The following ATP2A2 variants were observed in gnomAD, a reference collection of about 807,000 sequenced individuals.
ATP2A2 encodes ATPase sarcoplasmic/endoplasmic reticulum Ca2+ transporting 2.
Under a neutral mutation model 109.3 loss-of-function variants are expected in ATP2A2, and 14 were observed. The observed-to-expected ratio is 0.13, with a 90% confidence interval of 0.08 to 0.20. The LOEUF (loss-of-function observed/expected upper bound fraction) is 0.20. Among genes scored for constraint, ATP2A2 ranks in the 10% least tolerant of loss-of-function variants. The pLI is 1.00. For missense variants in ATP2A2, 657 were observed against 1,321.6 expected (o/e 0.50, Z 7.80); for synonymous variants, 506 against 490.9 (o/e 1.03, Z -0.41).
In ATP2A2 at chr12:110,348,021, A is replaced by G. The variant is rs906321625; in HGVS notation, c.*1551A>G. ...AGACCTCCACAGGCTGCCTAGGACA[A>G]GATGACCAGGAGGGCCCAAGCCAGA... On this transcript the variant is annotated 3_prime_UTR_variant, in exon 20 of 20. Transcript: ENST00000539276. The G allele has an allele frequency of 1.3e-5, 13 of 987,262 alleles. No homozygotes were observed. The highest frequency in any genetic ancestry group is 1.4e-5 in the Non-Finnish European group (12 of 831,262). 61.2% of individuals were successfully genotyped at this position (987,262 alleles called of 1,614,324 possible).
chr12:110,289,287 CTAAT>C (rs759966877), intron 3 of ATP2A2, among the ~76,000 whole-genome samples: 20 of 152,214 alleles, frequency 1.3e-4, no homozygotes, highest in African/African-American at 1.7e-4. Context: ...CCCCCAAGAG[CTAAT>C]TAAAGTTTCT....
In ATP2A2 at chr12:110,327,639, G is replaced by A; in HGVS notation, c.717G>A (p.Met239Ile). Reference protein sequence around the residue: ...NTEIGKIRDEMVATEQERTPL... With the variant: ...NTEIGKIRDEIVATEQERTPL... ...AAATTGGCAAGATCCGGGATGAAAT[G>A]GTGGCAACAGAACAGGAGAGAACAC... Residue 239 changes from methionine (M) to isoleucine (I), a missense_variant, in exon 8 of 20, where the codon ATG (methionine) becomes ATA (isoleucine). By Grantham distance (10) the Met-to-Ile change is conservative. Coordinates refer to ENST00000539276, the MANE Select transcript of ATP2A2 (RefSeq NM_170665.4). This position sits in a 1 kb window ranked among gnomAD's most constrained non-coding sequence, Gnocchi z 4.4. The A allele has an allele frequency of 6.2e-7, 1 of 1,614,146 alleles. No homozygotes were observed. The highest frequency in any genetic ancestry group is 2.2e-5 in the East Asian group (1 of 44,880).
intron 3 of ATP2A2, among the ~76,000 whole-genome samples, chr12:110,286,701 A>T (rs561123089): frequency 1.8e-3 from 237 of 132,506 alleles, no homozygotes; most frequent in East Asian, 0.01. Flanking sequence ...CTCTTTATTT[A>T]AAAAAAAAAA....
At chr12:110,310,267 A>G (rs1875877657) in intron 5 of ATP2A2, among the ~76,000 whole-genome samples, 1 of 151,678 alleles carries the variant, frequency 6.6e-6, no homozygotes, top group South Asian at 2.1e-4. Flanking sequence ...GATTACAGGC[A>G]TGAACCACCG....
intron 5 of ATP2A2, among the ~76,000 whole-genome samples, chr12:110,301,029 G>C (rs1874573757): frequency 6.6e-6 from 1 of 151,908 alleles, no homozygotes; most frequent in Non-Finnish European, 1.5e-5. Context: ...GCTTCTTCTT[G>C]TTTAATTTTT....
At chr12:110,333,028 A>G (rs1878494198) in intron 9 of ATP2A2, among the ~76,000 whole-genome samples, 153 bp from the exon 10 acceptor site, 1 of 150,578 alleles carries the variant, frequency 6.6e-6, no homozygotes, top group East Asian at 1.9e-4. Context: ...TTTGTCTAAT[A>G]TTGGCTCTGG....
intron 5 of ATP2A2, among the ~76,000 whole-genome samples, chr12:110,298,290 C>T (rs533343300): frequency 6.6e-6 from 1 of 152,266 alleles, no homozygotes; most frequent in South Asian, 2.1e-4. Context: ...ACATATATGC[C>T]AGTAAGCCAA....
In ATP2A2 at chr12:110,281,846, C is replaced by T. The variant is rs1014255997; in HGVS notation, c.57C>T (p.Asn19=). ...AGGTGCTGGGCCACTTCGGCGTCAA[C>T]GAGAGTACGGGGCTGAGCCTGGAAC... The part of the protein sequence containing the change: ...VEEVLGHFGV[N]ESTGLSLEQV... Residue 19 remains asparagine (N), a synonymous_variant, in exon 1 of 20, where the codon AAC becomes AAT. Transcript: ENST00000539276. The T allele has an allele frequency of 1.5e-5, 23 of 1,569,346 alleles. No homozygotes were observed. Among genetic ancestry groups the T allele is most frequent in the Non-Finnish European group, 1.7e-5 (20 of 1,159,822 alleles).
Position 110,350,128 on chromosome 12 carries a change from C to T in ATP2A2, c.*3658C>T. 3 of 1,521,372 alleles carry T rather than the reference C, an allele frequency of 2.0e-6. No homozygotes were observed. Among genetic ancestry groups the T allele is most frequent in the South Asian group, 2.5e-5 (2 of 79,954 alleles). 94.2% of individuals were successfully genotyped at this position (1,521,372 alleles called of 1,614,324 possible). A position where few individuals can be genotyped will look rare whatever the true frequency, so the allele number is the denominator to read the frequency against. The stretch of plus-strand genomic sequence containing the variant: ...TAGATGCTACCCTGTGTGGGCGGCA[C>T]CTCAGGGACAGTAAATCAGAAATGC... On this transcript the variant is annotated 3_prime_UTR_variant, in exon 20 of 20. Coordinates refer to ENST00000539276, the MANE Select transcript of ATP2A2 (RefSeq NM_170665.4).
At position 110,342,124 on chromosome 12, in the gene ATP2A2, C is replaced by A; in HGVS notation, c.2098-104C>A. 1 of 1,293,554 alleles carries A rather than the reference C, an allele frequency of 7.7e-7. No homozygotes were observed. The highest frequency in any genetic ancestry group is 1.1e-6 in the Non-Finnish European group (1 of 892,914). The allele number at this position is 1,293,554 out of a possible 1,614,324, so 80.1% of individuals were successfully genotyped here. A position where few individuals can be genotyped will look rare whatever the true frequency, so the allele number is the denominator to read the frequency against. On this transcript the variant is annotated intron_variant, in intron 14 of 19. Transcript: ENST00000539276. This position sits in a 1 kb window ranked among gnomAD's most constrained non-coding sequence, Gnocchi z 4.6. ...CTAAAACTCTTTGCCAAGAGACCTA[C>A]GGCTCTATTCATTTTCCTCCTGCTT...
rs374288913 is a variant in ATP2A2 at position 110,300,179 on chromosome 12, T to G, written c.463+3442T>G. Among the ~76,000 whole-genome samples the G allele has an allele frequency of 1.0e-3, 94 of 91,464 alleles. 3 individuals carry two copies. In the South Asian group the frequency reaches 0.034, roughly 33 times the overall value. 60.0% of individuals were successfully genotyped at this position (91,464 alleles called of 152,430 possible). A position where few individuals can be genotyped will look rare whatever the true frequency, so the allele number is the denominator to read the frequency against. ...CCTCCCTCTTTTCCTTCTTTCTCGC[T>G]CTCTCTTTTTTTTTTTTTTTTTTTT... is the stretch of plus-strand genomic sequence containing the variant. On this transcript the variant is annotated intron_variant, in intron 5 of 19. Transcript: ENST00000539276.
rs899712879 is a variant in ATP2A2 at position 110,291,108 on chromosome 12, G to T, written c.220-912G>T. Among the ~76,000 whole-genome samples, 4 of 151,578 alleles carry T rather than the reference G, an allele frequency of 2.6e-5. No individual in the cohort carries two copies. In the East Asian group the frequency reaches 7.7e-4, roughly 29 times the overall value. On this transcript the variant is annotated intron_variant, in intron 3 of 19. Transcript: ENST00000539276. ...ATTTTAGTAGAGATAGGGTTTCTTC[G>T]TGTTGGTCAGGCTGGTCTCGAGCTC...
intron 5 of ATP2A2, among the ~76,000 whole-genome samples, chr12:110,308,771 A>G (rs1267636177): frequency 1.3e-5 from 2 of 152,150 alleles, no homozygotes; most frequent in East Asian, 1.9e-4. Context: ...CGAAGGTACT[A>G]TTTGCGTAGC....
At chr12:110,305,668 GAACTTGGGAGTGT>G (rs1277040705) in intron 5 of ATP2A2, among the ~76,000 whole-genome samples, 5 of 152,124 alleles carry the variant, frequency 3.3e-5, no homozygotes, top group African/African-American at 1.2e-4. Flanking sequence ...TTGAAATTGG[GAACTTGGGAGTGT>G]AACTTTGTTC....
chr12:110,308,453 T>C (rs951184823), intron 5 of ATP2A2, among the ~76,000 whole-genome samples: 1 of 152,244 alleles, frequency 6.6e-6, no homozygotes, highest in African/African-American at 2.4e-5. Flanking sequence ...TGTAAACTTA[T>C]ATGCAAATCA....
At chr12:110,315,971 C>T (rs764457510) in intron 5 of ATP2A2, among the ~76,000 whole-genome samples, 1 of 152,096 alleles carries the variant, frequency 6.6e-6, no homozygotes, top group Non-Finnish European at 1.5e-5. Flanking sequence ...CCTGTAATCC[C>T]AGCTACTCGG....
intron 1 of ATP2A2, among the ~76,000 whole-genome samples, 198 bp downstream of exon 1, chr12:110,282,105 C>T (rs961955002): frequency 5.3e-5 from 8 of 152,086 alleles, no homozygotes; most frequent in Non-Finnish European, 8.8e-5. Context: ...CTCTTCGCTT[C>T]TCGGGCCCTC....
rs78378192 is a variant in ATP2A2 at position 110,322,980 on chromosome 12, T to C, written c.464-12T>C. 569 of 1,602,652 alleles carry C rather than the reference T, an allele frequency of 3.6e-4. 3 individuals carry two copies. In the African/African-American group the frequency reaches 6.4e-3, roughly 18 times the overall value. On this transcript the variant is annotated splice_polypyrimidine_tract_variant and intron_variant, in intron 5 of 19. Transcript: ENST00000539276. ...TTGCTCATTTCAGCCGCCTTTTTTT[T>C]CTCCTAATTAGTTGGTGACAAAGTT...
At position 110,347,368 on chromosome 12, in the gene ATP2A2, C is replaced by CA. The variant is rs1445968584; in HGVS notation, c.*899dup. On this transcript the variant is annotated 3_prime_UTR_variant, in exon 20 of 20. Transcript: ENST00000539276. ...TCGTAAGTGGCTTACCTGGGACTAACAGACATGTCCAACTTTCTCTCCAGT... is the reference window on the plus strand; with the variant it reads ...TCGTAAGTGGCTTACCTGGGACTAACAAGACATGTCCAACTTTCTCTCCAGT... The CA allele has an allele frequency of 1.9e-5, 24 of 1,289,066 alleles. No homozygotes were observed. Among genetic ancestry groups the CA allele is most frequent in the Non-Finnish European group, 2.3e-5 (23 of 988,698 alleles). The allele number at this position is 1,289,066 out of a possible 1,614,324, so 79.9% of individuals were successfully genotyped here.
Sources: gnomAD v4.1 joint callset for allele counts (sites outside exome capture counted in the v4.1 genomes callset) on GRCh38, gnomAD v4.1.1 for gene constraint, Gnocchi (gnomAD v3.1) non-coding constraint, MANE v1.5 for transcripts, NCBI Gene and HGNC (gene_info 2026-07-23, HGNC 2026-07-21) for gene names.